FAXC: variants seen among roughly 807,000 people sequenced by gnomAD.
FAXC encodes the protein failed axon connections homolog, metaxin like GST domain containing.
A neutral mutation model predicts 41.9 loss-of-function variants in FAXC; 10 were observed. That is an observed-to-expected ratio of 0.24 (90% CI 0.15 to 0.41). FAXC has a LOEUF of 0.41. Ranked by LOEUF, FAXC falls within the 10% of genes least tolerant of loss-of-function variation. The pLI is 1.00. For synonymous variants in FAXC, 183 were observed against 183.8 expected (o/e 1.00, Z 0.03); for missense variants, 399 against 510.9 (o/e 0.78, Z 2.11).
intron 4 of FAXC, among the ~76,000 whole-genome samples, chr6:99,304,143 G>A (rs997692196): frequency 7.2e-5 from 11 of 151,860 alleles, no homozygotes; most frequent in South Asian, 2.1e-4. Flanking sequence ...AAAATTAGCC[G>A]GGCGTGGGAG....
chr6:99,276,283 A>C lies in FAXC; in HGVS notation c.*4881T>G, dbSNP rs1770615021. On this transcript the variant is annotated 3_prime_UTR_variant, in exon 6 of 6. Coordinates refer to ENST00000389677, the MANE Select transcript of FAXC (RefSeq NM_032511.4). The stretch of plus-strand genomic sequence containing the variant: ...TGAATGAATAAATGAATACAGGAAA[A>C]CCTGATTGTGCAGACCTTTCTTCTT... 6.6e-6 allele frequency: 1 copy of C among 152,148 alleles called. No homozygotes were observed. The highest frequency in any genetic ancestry group is 2.4e-5 in the African/African-American group (1 of 41,426). The allele number at this position is 152,148 out of a possible 1,614,324, so 9.4% of individuals were successfully genotyped here.
chr6:99,337,791 C>T (rs1773267948), intron 2 of FAXC, among the ~76,000 whole-genome samples: 1 of 152,110 alleles, frequency 6.6e-6, no homozygotes, highest in South Asian at 2.1e-4. Flanking sequence ...ATACATTGAG[C>T]TTTTTTTAAA....
intron 4 of FAXC, among the ~76,000 whole-genome samples, chr6:99,318,777 T>C (rs916264617): frequency 1.3e-5 from 2 of 152,156 alleles, no homozygotes; most frequent in Non-Finnish European, 2.9e-5. Context: ...AATGAACAAC[T>C]CAAGTTATTT....
intron 1 of FAXC, among the ~76,000 whole-genome samples, chr6:99,346,468 C>A (rs1487016238): frequency 6.6e-6 from 1 of 152,202 alleles, no homozygotes; most frequent in Non-Finnish European, 1.5e-5. Context: ...CTCACTGCAA[C>A]CTCCGCCTCC....
In FAXC at chr6:99,281,453, C is replaced by T; in HGVS notation, c.941G>A (p.Gly314Asp). The T allele has an allele frequency of 1.2e-6, 2 of 1,609,902 alleles. No homozygotes were observed. Among genetic ancestry groups the T allele is most frequent in the Non-Finnish European group, 1.7e-6 (2 of 1,176,698 alleles). ...PGTRPERLIK[G>D]ELINLAMYCE... ...GTACATGGCAAGGTTGATCAGCTCA[C>T]CTGCAGTGTGGTAAGGAAAGCAAGG... Residue 314 changes from glycine to aspartate, a missense_variant and splice_region_variant, in exon 6 of 6, where the codon GGT (glycine) becomes GAT (aspartate). By Grantham distance (94) the Gly-to-Asp change is moderately conservative. Around this residue, in one of 3 missense-constraint regions of FAXC, gnomAD observed 239 missense variants for 352.7 expected, o/e 0.68. Coordinates refer to ENST00000389677, the MANE Select transcript of FAXC (RefSeq NM_032511.4).
At position 99,317,739 on chromosome 6, in the gene FAXC, C is replaced by T. The variant is rs1463049372; in HGVS notation, c.823+5705G>A. ...TCCATTCATATTTTGTATCTCATGG[C>T]CACAGCTGGGGATCTCTGTGTTAAC... On this transcript the variant is annotated intron_variant, in intron 4 of 5. Coordinates refer to ENST00000389677, the MANE Select transcript of FAXC (RefSeq NM_032511.4). 3.9e-5 allele frequency among the ~76,000 whole-genome samples: 6 copies of T among 152,114 alleles called. No homozygotes were observed. The East Asian group carries it at 1.2e-3, about 29-fold the overall frequency.
intron 4 of FAXC, among the ~76,000 whole-genome samples, chr6:99,295,178 A>T (rs1177228731): frequency 6.6e-6 from 1 of 152,244 alleles, no homozygotes; most frequent in African/African-American, 2.4e-5. Flanking sequence ...GGAATTTAGT[A>T]TCTGTGGAAA....
chr6:99,340,865 C>T (rs989333346), intron 2 of FAXC, among the ~76,000 whole-genome samples: 15 of 151,850 alleles, frequency 9.9e-5, no homozygotes, highest in Non-Finnish European at 1.9e-4. Flanking sequence ...GATGGGGTTT[C>T]GCCATGTTGG....
chr6:99,349,947 C>T (rs529045956), upstream of FAXC: 1 of 152,256 alleles, frequency 6.6e-6, no homozygotes, highest in Admixed American at 6.5e-5. Flanking sequence ...CTCCCCTACC[C>T]CGGCCGGCCC....
intron 1 of FAXC, among the ~76,000 whole-genome samples, chr6:99,346,552 C>T (rs1417474467): frequency 6.6e-6 from 1 of 150,784 alleles, no homozygotes. Flanking sequence ...CCACGCCAGG[C>T]TAATTTTTGT....
chr6:99,345,655 C>G (rs961208499), intron 1 of FAXC, among the ~76,000 whole-genome samples: 1 of 152,208 alleles, frequency 6.6e-6, no homozygotes, highest in Non-Finnish European at 1.5e-5. Context: ...GATGAACATG[C>G]CTCTGTATAC....
chr6:99,341,198 A>G (rs1483187593), intron 2 of FAXC, among the ~76,000 whole-genome samples: 1 of 112,432 alleles, frequency 8.9e-6, no homozygotes, highest in Non-Finnish European at 1.9e-5. Context: ...GAGAAAAAAT[A>G]TCTATTAGAA....
chr6:99,281,020 A>G lies in FAXC; in HGVS notation c.*144T>C. On this transcript the variant is annotated 3_prime_UTR_variant, in exon 6 of 6. Coordinates refer to ENST00000389677, the MANE Select transcript of FAXC (RefSeq NM_032511.4). ...TGTGTTTTGTTTGTACAAAAAAGAA[A>G]TAAGGCTGCTATAGTCCAGTTAGCA... The G allele has an allele frequency of 1.6e-6, 1 of 631,498 alleles. No homozygotes were observed. Among genetic ancestry groups the G allele is most frequent in the East Asian group, 2.6e-5 (1 of 38,312 alleles). 39.1% of individuals were successfully genotyped at this position (631,498 alleles called of 1,614,324 possible).
chr6:99,313,067 C>A (rs1194463566), intron 4 of FAXC, among the ~76,000 whole-genome samples: 1 of 152,148 alleles, frequency 6.6e-6, no homozygotes, highest in East Asian at 1.9e-4. Context: ...CCAAGGCAGG[C>A]GGACCACTTG....
chr6:99,349,493 G>T lies in FAXC; in HGVS notation c.-121C>A, dbSNP rs942795678. 3 of 689,532 alleles carry T rather than the reference G, an allele frequency of 4.4e-6. No individual in the cohort carries two copies. The highest frequency in any genetic ancestry group is 2.0e-5 in the African/African-American group (1 of 50,974). The allele number at this position is 689,532 out of a possible 1,614,324, so 42.7% of individuals were successfully genotyped here. ...GGGCGCGGGCGGCGCGGGCGGCGGC[G>T]ACTGAGGAGGCGGCGGCGACTGAGG... On this transcript the variant is annotated 5_prime_UTR_variant, in exon 1 of 6. Coordinates refer to ENST00000389677, the MANE Select transcript of FAXC (RefSeq NM_032511.4).
rs1178046345 is a variant in FAXC at position 99,274,501 on chromosome 6, C to T, written c.*6663G>A. 1 of 152,172 alleles carries T rather than the reference C, an allele frequency of 6.6e-6. No homozygotes were observed. The highest frequency in any genetic ancestry group is 1.5e-5 in the Non-Finnish European group (1 of 68,040). 9.4% of individuals were successfully genotyped at this position (152,172 alleles called of 1,614,324 possible). ...TACCACCAAATGAGGGACTCAGACC[C>T]TCAGTTTTCCAAACTTCACCATGGA... On this transcript the variant is annotated 3_prime_UTR_variant, in exon 6 of 6. Transcript: ENST00000389677.
intron 4 of FAXC, among the ~76,000 whole-genome samples, chr6:99,297,975 G>A (rs1281846245): frequency 6.6e-6 from 1 of 152,168 alleles, no homozygotes; most frequent in Non-Finnish European, 1.5e-5. Flanking sequence ...GTGTTAGTTA[G>A]ACATTCTTAG....
At chr6:99,294,325 C>A (rs1273600924) in intron 4 of FAXC, among the ~76,000 whole-genome samples, 1 of 152,226 alleles carries the variant, frequency 6.6e-6, no homozygotes, top group Non-Finnish European at 1.5e-5. Context: ...CTCCACCGCA[C>A]CCCTGCTGGC....
At chr6:99,345,050 A>G (rs895489616) in intron 1 of FAXC, among the ~76,000 whole-genome samples, 3 of 152,218 alleles carry the variant, frequency 2.0e-5, no homozygotes, top group Admixed American at 1.3e-4. Context: ...TTTATAGTAG[A>G]TAAGAAAATT....
Sources: allele counts gnomAD v4.1 joint callset (sites outside exome capture counted in the v4.1 genomes callset), GRCh38; gene constraint gnomAD v4.1.1; regional missense constraint gnomAD v4.1.1; transcripts MANE v1.5; gene names NCBI Gene and HGNC (gene_info 2026-07-23, HGNC 2026-07-21).